Variants in EGFLAM observed in about 807,000 individuals in gnomAD.
EGFLAM encodes the protein pikachurin.
Under a neutral mutation model 113.1 loss-of-function variants are expected in EGFLAM, and 79 were observed. The observed-to-expected ratio is 0.70, with a 90% CI of 0.58 to 0.84. EGFLAM has a LOEUF of 0.84. Ranked by LOEUF, EGFLAM falls within the 40% of genes least tolerant of loss-of-function variation. The pLI is 0.00. For synonymous variants in EGFLAM, 504 were observed against 487.6 expected (o/e 1.03, Z -0.44); for missense variants, 1,265 against 1,291.6 (o/e 0.98, Z 0.32).
chr5:38,404,557 T>C (rs1472898056), intron 6 of EGFLAM, among the ~76,000 whole-genome samples: 2 of 152,244 alleles, frequency 1.3e-5, no homozygotes, highest in Non-Finnish European at 2.9e-5. Context: ...GAGTTTGTCT[T>C]CCTGAGAATG....
chr5:38,326,593 G>C (rs1738890257), intron 1 of EGFLAM, among the ~76,000 whole-genome samples: 1 of 151,876 alleles, frequency 6.6e-6, no homozygotes. Context: ...CTGCCTCCCA[G>C]GTTCATGCCA....
Position 38,445,774 on chromosome 5 carries a change from G to A in EGFLAM, c.2465-2527G>A. ...GGGGCAGGCCAACCGCATGCAGGGG[G>A]ACCCGGGGTGAGTGGTGTGGGAGCT... On this transcript the variant is annotated intron_variant, in intron 17 of 21. Coordinates refer to ENST00000322350, the MANE Select transcript of EGFLAM (RefSeq NM_152403.4). 6 of 1,504,820 alleles carry A rather than the reference G, an allele frequency of 4.0e-6. No individual in the cohort carries two copies. The Admixed American group carries it at 5.0e-5, about 13-fold the overall frequency. 93.2% of individuals were successfully genotyped at this position (1,504,820 alleles called of 1,614,324 possible).
intron 6 of EGFLAM, among the ~76,000 whole-genome samples, chr5:38,378,664 C>T (rs957001623): frequency 3.9e-5 from 6 of 152,206 alleles, no homozygotes; most frequent in African/African-American, 1.4e-4. Context: ...ACACTATTCA[C>T]TGCCCCCAAG....
At chr5:38,413,185 A>ATTTT (rs34326457) in intron 11 of EGFLAM, among the ~76,000 whole-genome samples, 1,680 of 100,924 alleles carry the variant, frequency 0.017, no homozygotes, top group Non-Finnish European at 0.022. Flanking sequence ...TGCCTGGCTA[A>ATTTT]TTTTTTTTTT....
intron 1 of EGFLAM, among the ~76,000 whole-genome samples, chr5:38,316,106 A>T (rs1036821961): frequency 6.6e-6 from 1 of 151,596 alleles, no homozygotes; most frequent in Non-Finnish European, 1.5e-5. Context: ...TAAGCACAGA[A>T]TCTGGTCCTT....
At chr5:38,303,352 GA>G (rs1758640742) in intron 1 of EGFLAM, among the ~76,000 whole-genome samples, 1 of 152,208 alleles carries the variant, frequency 6.6e-6, no homozygotes. Flanking sequence ...ACCTCTTACA[GA>G]CAGTAATTTA....
At chr5:38,352,827 G>C (rs1431301816) in intron 5 of EGFLAM, among the ~76,000 whole-genome samples, 5 of 152,130 alleles carry the variant, frequency 3.3e-5, no homozygotes, top group African/African-American at 4.8e-5. Flanking sequence ...TGGGTCATCT[G>C]GTAAACCTAT....
intron 1 of EGFLAM, among the ~76,000 whole-genome samples, chr5:38,301,733 G>A (rs1758585016): frequency 6.6e-6 from 1 of 152,080 alleles, no homozygotes; most frequent in Non-Finnish European, 1.5e-5. Context: ...GGAATGAGAT[G>A]AAAATAATAA....
chr5:38,352,596 G>A (rs371802359), intron 5 of EGFLAM, among the ~76,000 whole-genome samples: 1 of 150,464 alleles, frequency 6.6e-6, no homozygotes, highest in African/African-American at 2.4e-5. Context: ...GCAGTGAGCC[G>A]AGATCATGCC....
chr5:38,292,643 T>A (rs1010914224), intron 1 of EGFLAM, among the ~76,000 whole-genome samples: 6 of 152,186 alleles, frequency 3.9e-5, no homozygotes, highest in Non-Finnish European at 7.4e-5. Context: ...CCTGTACACA[T>A]AGAGGCAATT....
chr5:38,439,898 A>G (rs930639580), intron 17 of EGFLAM, among the ~76,000 whole-genome samples: 5 of 152,248 alleles, frequency 3.3e-5, no homozygotes, highest in African/African-American at 1.2e-4. Flanking sequence ...TATATCTAAC[A>G]TTAATGGTCA....
At chr5:38,427,716 A>T (rs1219458783) in intron 14 of EGFLAM, among the ~76,000 whole-genome samples, 1 of 152,206 alleles carries the variant, frequency 6.6e-6, no homozygotes. Context: ...CACTCTAAAT[A>T]TTCACTTTCC....
chr5:38,330,196 T>G (rs1739005092), intron 1 of EGFLAM, among the ~76,000 whole-genome samples: 1 of 152,184 alleles, frequency 6.6e-6, no homozygotes, highest in Non-Finnish European at 1.5e-5. Flanking sequence ...CAGACTATCT[T>G]GTAGCCAATA....
chr5:38,365,751 C>T (rs1315798609), intron 5 of EGFLAM, among the ~76,000 whole-genome samples: 3 of 152,070 alleles, frequency 2.0e-5, no homozygotes, highest in African/African-American at 7.2e-5. Context: ...GCTTTGTATT[C>T]ATATATAATA....
At chr5:38,296,923 G>A (rs569210244) in intron 1 of EGFLAM, among the ~76,000 whole-genome samples, 1 of 151,542 alleles carries the variant, frequency 6.6e-6, no homozygotes, top group Non-Finnish European at 1.5e-5. Context: ...ATTTATAACC[G>A]CAATCTAATT....
At chr5:38,345,280 G>A (rs1290321805) in intron 3 of EGFLAM, 2 of 152,144 alleles carry the variant, frequency 1.3e-5, no homozygotes, top group Non-Finnish European at 2.9e-5. Flanking sequence ...AGGAAATGAT[G>A]GCGTACAGAG....
At chr5:38,305,554 G>A (rs1476453614) in intron 1 of EGFLAM, 1 of 409,502 alleles carries the variant, frequency 2.4e-6, no homozygotes, top group South Asian at 1.8e-5. Context: ...ATAATAGTGG[G>A]AAGGAGATGC....
intron 6 of EGFLAM, among the ~76,000 whole-genome samples, chr5:38,378,941 T>C (rs1432419999): frequency 6.6e-6 from 1 of 152,192 alleles, no homozygotes; most frequent in Admixed American, 6.5e-5. Flanking sequence ...TGTTAATAGA[T>C]GTTCCCTCCA....
chr5:38,355,927 A>G (rs572068046), intron 5 of EGFLAM, among the ~76,000 whole-genome samples: 1 of 151,826 alleles, frequency 6.6e-6, no homozygotes, highest in East Asian at 1.9e-4. Context: ...TGCCTGGCTA[A>G]TTTATGTATT....
Sources: gnomAD v4.1 joint callset for allele counts (sites outside exome capture counted in the v4.1 genomes callset) on GRCh38, gnomAD v4.1.1 for gene constraint, MANE v1.5 for transcripts, NCBI Gene and HGNC (gene_info 2026-07-23, HGNC 2026-07-21) for gene names.